The following ABAT variants were observed in gnomAD, a reference collection of about 807,000 sequenced individuals.
The protein encoded by ABAT is 4-aminobutyrate aminotransferase, mitochondrial.
Under a neutral mutation model 64.6 loss-of-function variants are expected in ABAT, and 45 were observed. The observed-to-expected ratio is 0.70, with a 90% CI of 0.55 to 0.89. ABAT has a LOEUF of 0.89. ABAT is among the 40% of genes least tolerant of loss of function. The pLI, the probability that ABAT is intolerant of heterozygous loss-of-function variation, is 0.00. For synonymous variants in ABAT, 297 were observed against 250.5 expected (o/e 1.19, Z -1.75); for missense variants, 633 against 658.4 (o/e 0.96, Z 0.42).
intron 3 of ABAT, among the ~76,000 whole-genome samples, chr16:8,747,781 C>T (rs2059374778): frequency 6.6e-6 from 1 of 151,872 alleles, no homozygotes; most frequent in African/African-American, 2.4e-5. Flanking sequence ...CACCTTTTTT[C>T]CCCTAAATAA....
chr16:8,684,538 C>G (rs1343085966), intron 1 of ABAT, among the ~76,000 whole-genome samples: 4 of 151,974 alleles, frequency 2.6e-5, no homozygotes, highest in Non-Finnish European at 1.5e-5. Context: ...CAAGACCCCT[C>G]AAGACCCCTT....
chr16:8,687,397 ATG>A (rs2057480137), intron 1 of ABAT, among the ~76,000 whole-genome samples: 1 of 152,156 alleles, frequency 6.6e-6, no homozygotes, highest in Non-Finnish European at 1.5e-5. Context: ...GTTGTGGCGC[ATG>A]CCTGTAATCC....
intron 1 of ABAT, among the ~76,000 whole-genome samples, chr16:8,680,523 T>A (rs1435605446): frequency 6.6e-6 from 1 of 152,030 alleles, no homozygotes; most frequent in Non-Finnish European, 1.5e-5. Context: ...CCTCCTGGGT[T>A]CAGGCAATTC....
At chr16:8,712,573 T>C (rs1418197531) in intron 1 of ABAT, among the ~76,000 whole-genome samples, 2 of 152,172 alleles carry the variant, frequency 1.3e-5, no homozygotes, top group African/African-American at 4.8e-5. Context: ...GTCAAAAAGA[T>C]CCTTCCAGGT....
intron 1 of ABAT, among the ~76,000 whole-genome samples, chr16:8,717,052 G>A (rs1017458353): frequency 2.0e-5 from 3 of 152,218 alleles, no homozygotes; most frequent in African/African-American, 7.2e-5. Flanking sequence ...CACTTTGGGA[G>A]GCCAAGGCGG....
chr16:8,782,346 T>C lies in ABAT; in HGVS notation c.*916T>C, dbSNP rs1489165201. 6.6e-6 allele frequency: 1 copy of C among 152,390 alleles called. No homozygotes were observed. The highest frequency in any genetic ancestry group is 1.5e-5 in the Non-Finnish European group (1 of 68,214). The allele number at this position is 152,390 out of a possible 1,614,324, so 9.4% of individuals were successfully genotyped here. ...ATCGCATCATGTTTCCCAGGGCAAC[T>C]TGAGGTCTGACTTTTGGCTCCCTCG... On this transcript the variant is annotated 3_prime_UTR_variant, in exon 16 of 16. Coordinates refer to ENST00000268251, the MANE Select transcript of ABAT (RefSeq NM_020686.6).
Position 8,781,592 on chromosome 16 carries a change from G to A in ABAT, c.*162G>A. On this transcript the variant is annotated 3_prime_UTR_variant, in exon 16 of 16. Coordinates refer to ENST00000268251, the MANE Select transcript of ABAT (RefSeq NM_020686.6). The surrounding 1 kb of genome is among the most constrained non-coding windows in gnomAD (Gnocchi z 4.5). ...TTTTGGTGGTCTTGGGGGAGGGGAG[G>A]GGAGGGAAGGGCTGGTGTTGATTTT... The A allele has an allele frequency of 1.2e-6, 1 of 845,476 alleles. No homozygotes were observed. Among genetic ancestry groups the A allele is most frequent in the African/African-American group, 1.7e-5 (1 of 58,960 alleles). The allele number at this position is 845,476 out of a possible 1,614,324, so 52.4% of individuals were successfully genotyped here.
intron 1 of ABAT, among the ~76,000 whole-genome samples, chr16:8,688,949 A>C (rs1431375711): frequency 6.6e-6 from 1 of 152,100 alleles, no homozygotes; most frequent in Non-Finnish European, 1.5e-5. Flanking sequence ...GCGTGGTGGC[A>C]GGTGCCTTTA....
chr16:8,709,664 A>G (rs904993019), intron 1 of ABAT, among the ~76,000 whole-genome samples: 1 of 152,176 alleles, frequency 6.6e-6, no homozygotes, highest in Non-Finnish European at 1.5e-5. Flanking sequence ...GTGAGCCACC[A>G]TGCCCAGCCT....
chr16:8,741,591 G>T (rs2059163228), intron 2 of ABAT, among the ~76,000 whole-genome samples: 1 of 152,218 alleles, frequency 6.6e-6, no homozygotes, highest in African/African-American at 2.4e-5. Flanking sequence ...GTACACACTT[G>T]AATCTGCTTC....
At position 8,776,615 on chromosome 16, in the gene ABAT, C is replaced by A; in HGVS notation, c.1269+125C>A. The A allele has an allele frequency of 9.5e-7, 1 of 1,047,820 alleles. No individual in the cohort carries two copies. Among genetic ancestry groups the A allele is most frequent in the Non-Finnish European group, 1.4e-6 (1 of 705,140 alleles). 64.9% of individuals were successfully genotyped at this position (1,047,820 alleles called of 1,614,324 possible). A position where few individuals can be genotyped will look rare whatever the true frequency, so the allele number is the denominator to read the frequency against. On this transcript the variant is annotated intron_variant, in intron 14 of 15. Coordinates refer to ENST00000268251, the MANE Select transcript of ABAT (RefSeq NM_020686.6). This position sits in a 1 kb window ranked among gnomAD's most constrained non-coding sequence, Gnocchi z 4.4. The stretch of plus-strand genomic sequence containing the variant: ...TTCCAGCAGTTCGTAACGGGCTGTG[C>A]TGCTCCTAGCCTTGGGGGCTTTGCA...
At position 8,783,382 on chromosome 16, in the gene ABAT, A is replaced by C. The variant is rs1457403206; in HGVS notation, c.*1952A>C. 1 of 152,164 alleles carries C rather than the reference A, an allele frequency of 6.6e-6. No homozygotes were observed. The highest frequency in any genetic ancestry group is 6.5e-5 in the Admixed American group (1 of 15,272). The allele number at this position is 152,164 out of a possible 1,614,324, so 9.4% of individuals were successfully genotyped here. A position where few individuals can be genotyped will look rare whatever the true frequency, so the allele number is the denominator to read the frequency against. On this transcript the variant is annotated 3_prime_UTR_variant, in exon 16 of 16. Transcript: ENST00000268251. ...GTGCTATGACAGAGGTGTGAATAAA[A>C]GCATCAGGAAATCGGATGGAGAACC...
intron 1 of ABAT, among the ~76,000 whole-genome samples, chr16:8,677,165 A>G (rs887442135): frequency 2.0e-5 from 3 of 152,198 alleles, no homozygotes; most frequent in Non-Finnish European, 4.4e-5. Flanking sequence ...CTTGGGGTAA[A>G]ATGAGTTAAT....
intron 6 of ABAT, chr16:8,760,169 C>G (rs566505710): frequency 6.6e-6 from 1 of 152,344 alleles, no homozygotes; most frequent in South Asian, 2.1e-4. Context: ...TGTACAGCTC[C>G]TGCAGATCCT....
chr16:8,749,857 G>T (rs920993307), intron 4 of ABAT, among the ~76,000 whole-genome samples: 5 of 152,092 alleles, frequency 3.3e-5, no homozygotes, highest in African/African-American at 1.2e-4. Flanking sequence ...GGGATCACAG[G>T]CGTGCACCAC....
At chr16:8,773,105 T>TATAC (rs774327698) in intron 12 of ABAT, among the ~76,000 whole-genome samples, 188 bp downstream of exon 12, 8 of 108,966 alleles carry the variant, frequency 7.3e-5, no homozygotes, top group Non-Finnish European at 1.5e-4. Context: ...CCTAAAACTA[T>TATAC]ACACACACAC....
chr16:8,772,793 T>C lies in ABAT; in HGVS notation c.830T>C (p.Ile277Thr), dbSNP rs540071491. The change falls in exon 12 of 16, where the codon ATT becomes ACT. Residue 277 changes from isoleucine to threonine, a missense_variant. Coordinates refer to ENST00000268251, the MANE Select transcript of ABAT (RefSeq NM_020686.6). ...TTTGGGATCCAGGTGGAGGATCTGATTGTGAAATATCGGAAAAAGAAGAAG... is the reference window on the plus strand; with the variant it reads ...TTTGGGATCCAGGTGGAGGATCTGACTGTGAAATATCGGAAAAAGAAGAAG... ...ARCLEEVEDL[I>T]VKYRKKKKTV... is the part of the protein sequence containing the mutation. 1.4e-5 allele frequency: 22 copies of C among 1,614,036 alleles called. No individual in the cohort carries two copies. In the South Asian group the frequency reaches 2.1e-4, roughly 15 times the overall value.
intron 2 of ABAT, among the ~76,000 whole-genome samples, chr16:8,744,085 A>T (rs1304982571): frequency 6.6e-6 from 1 of 152,214 alleles, no homozygotes; most frequent in Non-Finnish European, 1.5e-5. Flanking sequence ...CTCATTACAC[A>T]TTATGTGGAA....
chr16:8,709,826 C>CTTT (rs35255805), intron 1 of ABAT, among the ~76,000 whole-genome samples: 4,274 of 145,966 alleles, frequency 0.029, 118 homozygotes, highest in East Asian at 0.11. Flanking sequence ...AGTCAGTTAA[C>CTTT]TTTTTTTTTT....
Sources: allele counts gnomAD v4.1 joint callset (sites outside exome capture counted in the v4.1 genomes callset), GRCh38; gene constraint gnomAD v4.1.1; non-coding constraint Gnocchi (gnomAD v3.1); transcripts MANE v1.5; gene names NCBI Gene and HGNC (gene_info 2026-07-23, HGNC 2026-07-21).